The following PPARGC1B variants were observed in gnomAD, a reference collection of about 807,000 sequenced individuals.
PPARGC1B encodes the protein PPARG coactivator 1 beta, also known as peroxisome proliferator-activated receptor gamma coactivator 1-beta.
Under a neutral mutation model 101.6 loss-of-function variants are expected in PPARGC1B, and 34 were observed. The ratio of observed to expected loss-of-function variants is 0.33; its 90% CI spans 0.25 to 0.45. The LOEUF is 0.45. Among genes scored for constraint, PPARGC1B ranks in the 20% least tolerant of loss-of-function variants. The probability of loss-of-function intolerance (pLI) is 1.00; values close to 1 mark genes in which losing one functional copy is unlikely to be tolerated. For missense variants in PPARGC1B, 1,234 were observed against 1,317.6 expected (o/e 0.94, Z 0.98); for synonymous variants, 548 against 539.3 (o/e 1.02, Z -0.22).
At chr5:149,744,944 T>C (rs557421702) in intron 1 of PPARGC1B, among the ~76,000 whole-genome samples, 1 of 149,650 alleles carries the variant, frequency 6.7e-6, no homozygotes, top group South Asian at 2.1e-4. Flanking sequence ...GGTCTTGCTC[T>C]GTTGCCCAAG....
At chr5:149,824,879 A>G (rs1758442537) in intron 2 of PPARGC1B, among the ~76,000 whole-genome samples, 1 of 152,212 alleles carries the variant, frequency 6.6e-6, no homozygotes, top group South Asian at 2.1e-4. Context: ...AAAAATTACA[A>G]ACGCGTTTGT....
rs997697679 is a variant in PPARGC1B, at chr5:149,848,226, T to C, written c.*668T>C. On this transcript the variant is annotated 3_prime_UTR_variant, in exon 12 of 12. Transcript: ENST00000309241. Reference sequence around the variant, plus strand: ...TGCCAAGCCCTGCCTTGTCTCTTACTGAGCAAGTTTGGCTCAAATTATAGG... The same window carrying C: ...TGCCAAGCCCTGCCTTGTCTCTTACCGAGCAAGTTTGGCTCAAATTATAGG... The C allele has an allele frequency of 2.6e-5, 4 of 152,594 alleles. No individual in the cohort carries two copies. Among genetic ancestry groups the C allele is most frequent in the African/African-American group, 7.2e-5 (3 of 41,466 alleles). The allele number at this position is 152,594 out of a possible 1,614,324, so 9.5% of individuals were successfully genotyped here. A position where few individuals can be genotyped will look rare whatever the true frequency, so the allele number is the denominator to read the frequency against.
chr5:149,784,934 C>T (rs1756746788), intron 1 of PPARGC1B, among the ~76,000 whole-genome samples: 1 of 152,186 alleles, frequency 6.6e-6, no homozygotes, highest in African/African-American at 2.4e-5. Context: ...TGAGGTCTCC[C>T]CCATCTGACT....
rs1274646939 is a variant in PPARGC1B, at chr5:149,730,764, T to C, written c.78+344T>C. 2.0e-5 allele frequency among the ~76,000 whole-genome samples: 3 copies of C among 152,178 alleles called. No individual in the cohort carries two copies. Among genetic ancestry groups the C allele is most frequent in the African/African-American group, 7.2e-5 (3 of 41,460 alleles). On this transcript the variant is annotated intron_variant, in intron 1 of 11. Coordinates refer to ENST00000309241, the MANE Select transcript of PPARGC1B (RefSeq NM_133263.4). The surrounding 1 kb of genome is among the most constrained non-coding windows in gnomAD (Gnocchi z 4.0). ...GTGTGGGGTACCCTCAGGCTGGCGC[T>C]GGGTGCTGGAGGCGCGCCGTCAGCG... is the stretch of plus-strand genomic sequence containing the variant.
chr5:149,842,195 C>T, intron 9 of PPARGC1B, 61 bp from the exon 10 acceptor site: 1 of 1,595,876 alleles, frequency 6.3e-7, no homozygotes, highest in Non-Finnish European at 8.6e-7. Context: ...AGCCCACTCC[C>T]AGAGGGGCCC....
chr5:149,750,347 CAAT>C (rs1755240722), intron 1 of PPARGC1B, among the ~76,000 whole-genome samples: 1 of 151,234 alleles, frequency 6.6e-6, no homozygotes, highest in South Asian at 2.1e-4. Flanking sequence ...ATGATATCTA[CAAT>C]AATTTCTTCC....
Position 149,833,405 on chromosome 5 carries a change from A to G in PPARGC1B, c.1332A>G (p.Glu444=). 1 of 1,605,986 alleles carries G rather than the reference A, an allele frequency of 6.2e-7. No homozygotes were observed. The highest frequency in any genetic ancestry group is 8.5e-7 in the Non-Finnish European group (1 of 1,176,098). ...AAGAGGAGGAGGAAGAGGAAGAAGA[A>G]AAAGAGGAGGAGGAGGAGTGGGGCA... is the stretch of plus-strand genomic sequence containing the variant. ...EEEEEEEEEE[E]KEEEEEWGRK... is the part of the protein sequence containing the mutation. The change falls in exon 5 of 12, where the codon GAA becomes GAG. Residue 444 remains glutamate (E), a synonymous_variant. Transcript: ENST00000309241. The surrounding 1 kb of genome is among the most constrained non-coding windows in gnomAD (Gnocchi z 4.1).
intron 1 of PPARGC1B, among the ~76,000 whole-genome samples, chr5:149,792,827 C>T (rs1219009870): frequency 2.0e-5 from 3 of 152,114 alleles, no homozygotes; most frequent in African/African-American, 7.2e-5. Flanking sequence ...CTGCTGGCCT[C>T]GGTATAAATC....
chr5:149,806,177 T>TCCC (rs1355988907), intron 1 of PPARGC1B, among the ~76,000 whole-genome samples: 2 of 152,112 alleles, frequency 1.3e-5, no homozygotes, highest in Non-Finnish European at 2.9e-5. Flanking sequence ...CACCTGAGGG[T>TCCC]CCCCTGTCTG....
chr5:149,842,480 T>C, intron 10 of PPARGC1B, 103 bp downstream of exon 10: 1 of 1,515,244 alleles, frequency 6.6e-7, no homozygotes, highest in Non-Finnish European at 9.1e-7. Context: ...GAAATGAATC[T>C]GACAAAATCC....
At chr5:149,732,845 C>A in intron 1 of PPARGC1B, 1 of 479,238 alleles carries the variant, frequency 2.1e-6, no homozygotes, top group Non-Finnish European at 4.3e-6. Flanking sequence ...ACTCCAGGTC[C>A]TGTGTGTTAC....
chr5:149,819,904 C>T (rs79435714), intron 1 of PPARGC1B, among the ~76,000 whole-genome samples: 7,033 of 152,210 alleles, frequency 0.046, 313 homozygotes, highest in Admixed American at 0.14. Flanking sequence ...TATGTTCCAT[C>T]GTATATTACA....
intron 3 of PPARGC1B, among the ~76,000 whole-genome samples, chr5:149,828,944 T>C (rs1404912757): frequency 6.6e-6 from 1 of 151,876 alleles, no homozygotes; most frequent in Non-Finnish European, 1.5e-5. Context: ...CCAGCTACTC[T>C]GGAGGCTGGG....
chr5:149,783,639 GCT>G (rs1756675945), intron 1 of PPARGC1B, among the ~76,000 whole-genome samples: 1 of 152,186 alleles, frequency 6.6e-6, no homozygotes, highest in Admixed American at 6.5e-5. Flanking sequence ...TTCTGGTTCA[GCT>G]CTCTGCTGTC....
chr5:149,792,135 C>T (rs1757043657), intron 1 of PPARGC1B, among the ~76,000 whole-genome samples: 1 of 151,922 alleles, frequency 6.6e-6, no homozygotes, highest in South Asian at 2.1e-4. Context: ...ACACGGTGTT[C>T]AGAGGTGCTG....
chr5:149,855,289 C>T (rs1759919057), downstream of PPARGC1B, among the ~76,000 whole-genome samples: 1 of 152,046 alleles, frequency 6.6e-6, no homozygotes, highest in African/African-American at 2.4e-5. Flanking sequence ...CATAGTGAGA[C>T]CCCCATCTCT....
rs1432354604 is a variant in PPARGC1B at position 149,801,363 on chromosome 5, G to C, written c.79-19070G>C. Reference sequence around the variant, plus strand: ...CAAGCTCAAAAAAAAGTTTCCTCCAGGAAGTAGAGTGAAGGATGAATAGGA... The same window carrying C: ...CAAGCTCAAAAAAAAGTTTCCTCCACGAAGTAGAGTGAAGGATGAATAGGA... On this transcript the variant is annotated intron_variant, in intron 1 of 11. Transcript: ENST00000309241. Among the ~76,000 whole-genome samples the C allele has an allele frequency of 3.9e-5, 6 of 152,340 alleles. No individual in the cohort carries two copies. In the East Asian group the frequency reaches 9.6e-4, roughly 24 times the overall value.
chr5:149,786,159 C>T lies in PPARGC1B; in HGVS notation c.79-34274C>T, dbSNP rs367564502. 1.1e-3 allele frequency among the ~76,000 whole-genome samples: 168 copies of T among 151,868 alleles called. 8 individuals are homozygous for T. In the South Asian group the frequency reaches 0.033, roughly 30 times the overall value. ...CCAGGCTGGAGTCCAGTGGCTCGAT[C>T]TCCGCTCACTGCAACCTTCTCCTCC... On this transcript the variant is annotated intron_variant, in intron 1 of 11. Coordinates refer to ENST00000309241, the MANE Select transcript of PPARGC1B (RefSeq NM_133263.4).
chr5:149,751,722 A>AG lies in PPARGC1B; in HGVS notation c.78+21303dup, dbSNP rs1433942822. 9.2e-5 allele frequency among the ~76,000 whole-genome samples: 14 copies of AG among 151,574 alleles called. No homozygotes were observed. In the East Asian group the frequency reaches 2.7e-3, roughly 29 times the overall value. Reference sequence around the variant, plus strand: ...CTCTGTCCAAAAGAAAAAAAAAAAAAGAAAAGAAAACTAATCCCAGCACCC... The same window carrying AG: ...CTCTGTCCAAAAGAAAAAAAAAAAAAGGAAAAGAAAACTAATCCCAGCACCC... On this transcript the variant is annotated intron_variant, in intron 1 of 11. Transcript: ENST00000309241.
Sources: gnomAD v4.1 joint callset for allele counts (sites outside exome capture counted in the v4.1 genomes callset) on GRCh38, gnomAD v4.1.1 for gene constraint, Gnocchi (gnomAD v3.1) non-coding constraint, MANE v1.5 for transcripts, NCBI Gene and HGNC (gene_info 2026-07-23, HGNC 2026-07-21) for gene names.